Variants in ADGRB3 observed in about 807,000 individuals in gnomAD.
ADGRB3 encodes adhesion G protein-coupled receptor B3.
A neutral mutation model predicts 193.4 loss-of-function variants in ADGRB3; 37 were observed. The ratio of observed to expected loss-of-function variants is 0.19; its 90% CI spans 0.15 to 0.25. The LOEUF is 0.25. Among genes scored for constraint, ADGRB3 ranks in the 10% least tolerant of loss-of-function variants. ADGRB3 has a pLI of 1.00. For missense variants in ADGRB3, 1,637 were observed against 1,852.9 expected (o/e 0.88, Z 2.14); for synonymous variants, 690 against 644.2 (o/e 1.07, Z -1.08).
intron 19 of ADGRB3, among the ~76,000 whole-genome samples, chr6:69,236,150 T>C (rs1766262003): frequency 6.6e-6 from 1 of 152,028 alleles, no homozygotes; most frequent in African/African-American, 2.4e-5. Flanking sequence ...CTTTGTTCTT[T>C]TAAGAAAATG....
chr6:69,151,878 C>CTG (rs767018099), intron 17 of ADGRB3, among the ~76,000 whole-genome samples: 13 of 152,096 alleles, frequency 8.5e-5, no homozygotes, highest in Non-Finnish European at 1.5e-4. Flanking sequence ...TAATTTAATC[C>CTG]TGGGGGTGGT....
chr6:69,367,452 T>C (rs948394669), intron 29 of ADGRB3, among the ~76,000 whole-genome samples: 4 of 152,026 alleles, frequency 2.6e-5, no homozygotes, highest in African/African-American at 7.2e-5. Flanking sequence ...ACTTCCACAA[T>C]GGTTGAACTA....
At chr6:68,648,620 G>C (rs918936953) in intron 3 of ADGRB3, among the ~76,000 whole-genome samples, 1 of 150,880 alleles carries the variant, frequency 6.6e-6, no homozygotes, top group Non-Finnish European at 1.5e-5. Flanking sequence ...AACCACGGAA[G>C]ATTATGTAGG....
chr6:69,382,748 A>G, intron 30 of ADGRB3, 83 bp from the exon 31 acceptor site: 1 of 1,037,500 alleles, frequency 9.6e-7, no homozygotes, highest in Non-Finnish European at 1.4e-6. Context: ...TACCCTTATT[A>G]TTAAAGCAAA....
chr6:69,165,963 C>A (rs1775122883), intron 17 of ADGRB3, among the ~76,000 whole-genome samples: 1 of 151,980 alleles, frequency 6.6e-6, no homozygotes, highest in Non-Finnish European at 1.5e-5. Flanking sequence ...AATTGAAATG[C>A]AGTATTATAA....
At chr6:69,289,145 G>A (rs1767613603) in intron 20 of ADGRB3, among the ~76,000 whole-genome samples, 1 of 152,154 alleles carries the variant, frequency 6.6e-6, no homozygotes, top group South Asian at 2.1e-4. Flanking sequence ...AAGAATAGAA[G>A]TAATGGTAGA....
At chr6:69,121,800 G>A (rs541394707) in intron 17 of ADGRB3, among the ~76,000 whole-genome samples, 136 of 148,212 alleles carry the variant, frequency 9.2e-4, no homozygotes, top group Admixed American at 1.9e-3. Flanking sequence ...GGGCAGAGGC[G>A]CACCTCACAT....
chr6:69,354,595 T>C (rs1030102966), intron 27 of ADGRB3, among the ~76,000 whole-genome samples: 5 of 152,164 alleles, frequency 3.3e-5, no homozygotes, highest in Admixed American at 1.3e-4. Context: ...GAATTAGGGC[T>C]AATGATTTAT....
At chr6:68,991,521 A>T (rs1769236658) in intron 10 of ADGRB3, among the ~76,000 whole-genome samples, 1 of 151,934 alleles carries the variant, frequency 6.6e-6, no homozygotes, top group Non-Finnish European at 1.5e-5. Flanking sequence ...AAAGCATGTG[A>T]ATGCTTGTGG....
At chr6:68,855,478 T>C (rs945900927) in intron 3 of ADGRB3, among the ~76,000 whole-genome samples, 4 of 151,966 alleles carry the variant, frequency 2.6e-5, no homozygotes, top group African/African-American at 9.7e-5. Context: ...AATGAATTTC[T>C]AGGTAAAATA....
intron 17 of ADGRB3, among the ~76,000 whole-genome samples, chr6:69,175,223 A>T (rs1285616619): frequency 1.3e-5 from 2 of 152,130 alleles, no homozygotes; most frequent in African/African-American, 4.8e-5. Flanking sequence ...ATATGGGTTA[A>T]ACATTTAAAT....
intron 15 of ADGRB3, among the ~76,000 whole-genome samples, chr6:69,062,498 A>G (rs557262556): frequency 2.0e-5 from 3 of 151,996 alleles, no homozygotes; most frequent in South Asian, 4.1e-4. Context: ...ATTTATTGTA[A>G]TGTGTTTTGG....
At chr6:69,181,377 C>A (rs1447131517) in intron 17 of ADGRB3, among the ~76,000 whole-genome samples, 1 of 151,684 alleles carries the variant, frequency 6.6e-6, no homozygotes. Context: ...TAAAAAAATA[C>A]ATTATTCCAG....
chr6:69,339,949 T>C (rs1384929414), intron 26 of ADGRB3, among the ~76,000 whole-genome samples: 1 of 152,160 alleles, frequency 6.6e-6, no homozygotes, highest in Non-Finnish European at 1.5e-5. Flanking sequence ...TATTAACTAA[T>C]ACTATTTTAA....
intron 3 of ADGRB3, among the ~76,000 whole-genome samples, chr6:68,868,277 C>G (rs1311837941): frequency 6.6e-6 from 1 of 152,110 alleles, no homozygotes; most frequent in African/African-American, 2.4e-5. Context: ...TGTCATCCCC[C>G]ACTTGCTCTG....
intron 20 of ADGRB3, among the ~76,000 whole-genome samples, chr6:69,290,214 C>T (rs925978655): frequency 1.3e-5 from 2 of 151,920 alleles, no homozygotes; most frequent in African/African-American, 2.4e-5. Context: ...AGACAGTAAC[C>T]GGCCATTGAA....
chr6:69,203,907 T>C (rs904530768), intron 17 of ADGRB3, among the ~76,000 whole-genome samples: 8 of 152,162 alleles, frequency 5.3e-5, no homozygotes, highest in Non-Finnish European at 1.2e-4. Context: ...GATTTGTATA[T>C]ACGTGTGTCT....
chr6:68,740,060 C>T (rs1451524094), intron 3 of ADGRB3, among the ~76,000 whole-genome samples: 3 of 152,114 alleles, frequency 2.0e-5, no homozygotes, highest in African/African-American at 7.2e-5. Flanking sequence ...ACAAAACTCT[C>T]TGACACTCTA....
intron 3 of ADGRB3, among the ~76,000 whole-genome samples, chr6:68,878,808 G>A (rs907244622): frequency 6.6e-6 from 1 of 152,198 alleles, no homozygotes; most frequent in Non-Finnish European, 1.5e-5. Flanking sequence ...GTTCCATGTG[G>A]CTGGGGAAGC....
Sources: gnomAD v4.1 joint callset for allele counts (sites outside exome capture counted in the v4.1 genomes callset) on GRCh38, gnomAD v4.1.1 for gene constraint, MANE v1.5 for transcripts, NCBI Gene and HGNC (gene_info 2026-07-23, HGNC 2026-07-21) for gene names.